ANKRD6: variants seen among roughly 807,000 people sequenced by gnomAD.
ANKRD6 encodes ankyrin repeat domain 6.
A neutral mutation model predicts 82.3 loss-of-function variants in ANKRD6; 56 were observed. The ratio of observed to expected loss-of-function variants is 0.68; its 90% confidence interval spans 0.55 to 0.85. The LOEUF (loss-of-function observed/expected upper bound fraction) is 0.85. Ranked by LOEUF, ANKRD6 falls within the 40% of genes least tolerant of loss-of-function variation. The probability of loss-of-function intolerance (pLI) is 0.00; values close to 1 mark genes in which losing one functional copy is unlikely to be tolerated. For synonymous variants in ANKRD6, 347 were observed against 352.1 expected (o/e 0.99, Z 0.16); for missense variants, 852 against 907.6 (o/e 0.94, Z 0.79).
chr6:89,505,544 G>T (rs1003655320), intron 1 of ANKRD6, among the ~76,000 whole-genome samples: 2 of 152,202 alleles, frequency 1.3e-5, no homozygotes, highest in Non-Finnish European at 2.9e-5. Flanking sequence ...ACTCTTTACT[G>T]GGTTCCAAAG....
At chr6:89,481,438 C>T (rs1776791473) in intron 1 of ANKRD6, among the ~76,000 whole-genome samples, 1 of 152,062 alleles carries the variant, frequency 6.6e-6, no homozygotes, top group East Asian at 1.9e-4. Context: ...AAGTATAATA[C>T]AAATATTCCC....
At chr6:89,604,680 G>C (rs1288981794) in intron 4 of ANKRD6, among the ~76,000 whole-genome samples, 1 of 152,042 alleles carries the variant, frequency 6.6e-6, no homozygotes, top group Non-Finnish European at 1.5e-5. Flanking sequence ...TGTGCCCCCT[G>C]CCCCTTGCAT....
At chr6:89,615,219 T>C (rs892260972) in intron 7 of ANKRD6, among the ~76,000 whole-genome samples, 8 of 151,606 alleles carry the variant, frequency 5.3e-5, no homozygotes, top group Non-Finnish European at 8.8e-5. Context: ...TGGTGGTTTC[T>C]GACCCTGGCT....
intron 5 of ANKRD6, among the ~76,000 whole-genome samples, chr6:89,608,407 A>C (rs113193233): frequency 0.013 from 1,749 of 130,114 alleles, 55 homozygotes; most frequent in African/African-American, 0.051. Context: ...TGGCCAAGTC[A>C]AATCTGAAAC....
intron 2 of ANKRD6, among the ~76,000 whole-genome samples, chr6:89,571,552 T>A (rs898784465): frequency 1.3e-5 from 2 of 152,166 alleles, no homozygotes; most frequent in East Asian, 3.8e-4. Flanking sequence ...TAGATATTAA[T>A]CCTTTATCAT....
chr6:89,628,171 T>C (rs1335197934), intron 14 of ANKRD6: 1 of 165,350 alleles, frequency 6.0e-6, no homozygotes, highest in African/African-American at 2.4e-5. Context: ...TTAATGAAGA[T>C]TGTAGATAGC....
intron 1 of ANKRD6, among the ~76,000 whole-genome samples, chr6:89,465,063 T>G (rs1297778797): frequency 6.6e-6 from 1 of 152,126 alleles, no homozygotes; most frequent in East Asian, 1.9e-4. Flanking sequence ...ACTTAGATCC[T>G]CTTTCTTTAA....
At chr6:89,629,412 A>G in intron 15 of ANKRD6, 174 bp downstream of exon 15, 2 of 845,618 alleles carry the variant, frequency 2.4e-6, no homozygotes, top group Non-Finnish European at 3.8e-6. Flanking sequence ...CTCAGTTGCT[A>G]TGTAATAATA....
At chr6:89,609,124 G>A (rs1476297342) in intron 5 of ANKRD6, among the ~76,000 whole-genome samples, 1 of 152,164 alleles carries the variant, frequency 6.6e-6, no homozygotes, top group Non-Finnish European at 1.5e-5. Context: ...TTGTGCTGTC[G>A]TTTCCTAGTT....
At chr6:89,609,840 G>C (rs1027886294) in intron 5 of ANKRD6, among the ~76,000 whole-genome samples, 1 of 151,682 alleles carries the variant, frequency 6.6e-6, no homozygotes, top group South Asian at 2.1e-4. Flanking sequence ...TTGATCTCTT[G>C]ATCTTGTGAT....
chr6:89,522,316 G>T (rs1450702735), intron 1 of ANKRD6, among the ~76,000 whole-genome samples: 4 of 152,202 alleles, frequency 2.6e-5, no homozygotes, highest in Non-Finnish European at 5.9e-5. Flanking sequence ...GGGGCTTTTT[G>T]AGGCTGTTGC....
chr6:89,568,465 G>A (rs376769803), intron 2 of ANKRD6, among the ~76,000 whole-genome samples: 6 of 151,860 alleles, frequency 4.0e-5, no homozygotes, highest in African/African-American at 1.5e-4. Flanking sequence ...TATAATTTAC[G>A]TTCATTAAAT....
chr6:89,495,717 C>T (rs1436913386), intron 1 of ANKRD6, among the ~76,000 whole-genome samples: 1 of 152,162 alleles, frequency 6.6e-6, no homozygotes, highest in Admixed American at 6.5e-5. Context: ...GAATTCAATA[C>T]TGTAATTTAA....
Position 89,612,303 on chromosome 6 carries a change from A to G in ANKRD6, c.449A>G (p.Gln150Arg), listed in dbSNP as rs1800432380. 6.4e-7 allele frequency: 1 copy of G among 1,563,026 alleles called. No homozygotes were observed. Among genetic ancestry groups the G allele is most frequent in the Non-Finnish European group, 8.7e-7 (1 of 1,153,116 alleles). ...AACACAGCTCTGCACCTGGCCTGCC[A>G]GAACAGCCACTCCCAGAGCACGCGC... ...AGNTALHLACQNSHSQSTRVL... is the reference protein window; with the variant it reads ...AGNTALHLACRNSHSQSTRVL... The change falls in exon 6 of 16, where the codon CAG becomes CGG. Residue 150 changes from glutamine to arginine, a missense_variant. Transcript: ENST00000339746.
chr6:89,489,354 A>G (rs910165844), intron 1 of ANKRD6, among the ~76,000 whole-genome samples: 4 of 152,306 alleles, frequency 2.6e-5, no homozygotes, highest in African/African-American at 9.6e-5. Context: ...ACAGAACAGA[A>G]GGAAGTTTTT....
chr6:89,550,513 A>G (rs1785686175), intron 1 of ANKRD6, among the ~76,000 whole-genome samples: 1 of 151,920 alleles, frequency 6.6e-6, no homozygotes, highest in Non-Finnish European at 1.5e-5. Flanking sequence ...GACAGTGACT[A>G]CTCTTGAGGG....
At chr6:89,540,912 C>T (rs1784376439) in intron 1 of ANKRD6, among the ~76,000 whole-genome samples, 1 of 152,076 alleles carries the variant, frequency 6.6e-6, no homozygotes, top group Non-Finnish European at 1.5e-5. Context: ...TTTTTGGCAC[C>T]TTTGTCAAAA....
At chr6:89,586,905 T>C (rs1304241298) in intron 2 of ANKRD6, among the ~76,000 whole-genome samples, 1 of 152,108 alleles carries the variant, frequency 6.6e-6, no homozygotes, top group Non-Finnish European at 1.5e-5. Flanking sequence ...AAAGGAATTC[T>C]TGGCCGGGCA....
chr6:89,490,079 G>A (rs1398489576), intron 1 of ANKRD6, among the ~76,000 whole-genome samples: 1 of 152,174 alleles, frequency 6.6e-6, no homozygotes, highest in Non-Finnish European at 1.5e-5. Context: ...TGGCATCTAA[G>A]CACCTTGCAT....
Sources: allele counts gnomAD v4.1 joint callset (sites outside exome capture counted in the v4.1 genomes callset), GRCh38; gene constraint gnomAD v4.1.1; transcripts MANE v1.5; gene names NCBI Gene and HGNC (gene_info 2026-07-23, HGNC 2026-07-21).